Variants in TRMT11 observed in about 807,000 individuals in gnomAD.
TRMT11 encodes tRNA methyltransferase 11, also known as tRNA (guanine(10)-N(2))-methyltransferase TRMT11.
TRMT11 carries 53 observed loss-of-function variants against 62.8 expected under a neutral mutation model. That is an observed-to-expected ratio of 0.84 (90% CI 0.68 to 1.06). The LOEUF (loss-of-function observed/expected upper bound fraction) is 1.06. Among genes scored for constraint, TRMT11 ranks in the 50% least tolerant of loss-of-function variants. TRMT11 has a pLI of 0.00. For missense variants in TRMT11, 556 were observed against 553.4 expected, an observed-to-expected ratio of 1.00 and a Z score of -0.05; for synonymous variants, 188 against 190.3, an observed-to-expected ratio of 0.99 and a Z score of 0.10.
intron 7 of TRMT11, among the ~76,000 whole-genome samples, chr6:126,002,544 G>C (rs1290200976): frequency 6.6e-6 from 1 of 152,168 alleles, no homozygotes; most frequent in Non-Finnish European, 1.5e-5. Flanking sequence ...GGGCAGTAAA[G>C]TCAAATACTG....
At chr6:126,022,090 C>T (rs2035916239) in intron 12 of TRMT11, among the ~76,000 whole-genome samples, 1 of 138,236 alleles carries the variant, frequency 7.2e-6, no homozygotes, top group Non-Finnish European at 1.6e-5. Context: ...GACGGAGTTT[C>T]CCTCTTTCAC....
intron 21 of TRMT11, among the ~76,000 whole-genome samples, chr6:126,129,383 C>T (rs1458737646): frequency 6.6e-6 from 1 of 152,128 alleles, no homozygotes; most frequent in Non-Finnish European, 1.5e-5. Flanking sequence ...CTAATGTTAA[C>T]TTTTTATTTT....
At position 126,201,659 on chromosome 6, in the gene TRMT11, T is replaced by C. The variant is rs138884504; in HGVS notation, n.372-369T>C. 5.9e-3 allele frequency among the ~76,000 whole-genome samples: 892 copies of C among 152,324 alleles called. 8 individuals carry two copies. Among genetic ancestry groups the C allele is most frequent in the African/African-American group, 0.021 (859 of 41,572 alleles). On this transcript the variant is annotated intron_variant and non_coding_transcript_variant, in intron 3 of 3. Coordinates refer to the TRMT11 transcript ENST00000444229. ...TTGACATTGATGGTTTATATCTTGG[T>C]TCTGCTCTTCTTATTCCTTTTTTTC...
chr6:126,239,611 C>CTTTCTCTCTGG, the TRMT11 span, among the ~76,000 whole-genome samples: 1 of 152,194 alleles, frequency 6.6e-6, no homozygotes, highest in Non-Finnish European at 1.5e-5. Context: ...TTGTGGGCAA[C>CTTTCTCTCTGG]CTGACCTTTC....
chr6:126,234,914 C>T, the TRMT11 span, among the ~76,000 whole-genome samples: 1 of 152,178 alleles, frequency 6.6e-6, no homozygotes, highest in Non-Finnish European at 1.5e-5. Context: ...GGCATTAAGA[C>T]AATCCCTTCC....
chr6:126,237,606 G>A, the TRMT11 span, among the ~76,000 whole-genome samples: 1 of 152,068 alleles, frequency 6.6e-6, no homozygotes, highest in Non-Finnish European at 1.5e-5. Context: ...ACCTGAGCCT[G>A]GCAGGTTGAG....
intron 8 of TRMT11, among the ~76,000 whole-genome samples, chr6:126,010,253 C>T (rs143389827): frequency 5.0e-4 from 76 of 152,158 alleles, no homozygotes; most frequent in African/African-American, 1.8e-3. Context: ...GACCTTCATA[C>T]AGCTGCTCTT....
intron 7 of TRMT11, among the ~76,000 whole-genome samples, chr6:126,003,947 T>C (rs1424350936): frequency 2.6e-5 from 4 of 152,082 alleles, no homozygotes; most frequent in African/African-American, 7.2e-5. Context: ...TAGTTTTACA[T>C]TTTTTCTTTT....
At chr6:126,192,745 T>C (rs1016709885) in intron 1 of TRMT11, among the ~76,000 whole-genome samples, 2 of 152,230 alleles carry the variant, frequency 1.3e-5, no homozygotes, top group Non-Finnish European at 2.9e-5. Context: ...GTATCATGTT[T>C]ATTGATTTGA....
At chr6:126,268,950 A>G in the TRMT11 span, among the ~76,000 whole-genome samples, 1 of 148,088 alleles carries the variant, frequency 6.8e-6, no homozygotes, top group Non-Finnish European at 1.5e-5. Flanking sequence ...GATACCAAAC[A>G]TATTAGTCAT....
chr6:125,998,710 G>A, intron 6 of TRMT11, 26 bp downstream of exon 6: 1 of 1,602,250 alleles, frequency 6.2e-7, no homozygotes, highest in Non-Finnish European at 8.5e-7. Context: ...TTCTACCTAT[G>A]TCAGTTTGTT....
At chr6:126,062,625 A>G (rs1473241666) in intron 17 of TRMT11, among the ~76,000 whole-genome samples, 1 of 152,214 alleles carries the variant, frequency 6.6e-6, no homozygotes. Context: ...TGAATAACTT[A>G]TCAATCTATC....
At chr6:126,238,520 T>G in the TRMT11 span, among the ~76,000 whole-genome samples, 1 of 152,242 alleles carries the variant, frequency 6.6e-6, no homozygotes, top group South Asian at 2.1e-4. Flanking sequence ...GTTGAGCGGT[T>G]TTGAGTGAGT....
chr6:125,991,226 A>G (rs1036340285), intron 1 of TRMT11, among the ~76,000 whole-genome samples: 1 of 150,442 alleles, frequency 6.6e-6, no homozygotes, highest in South Asian at 2.1e-4. Flanking sequence ...AGCCCGGGTG[A>G]CAGTGTGAGA....
intron 1 of TRMT11, among the ~76,000 whole-genome samples, chr6:126,191,646 T>C (rs1022678458): frequency 6.6e-6 from 1 of 151,992 alleles, no homozygotes; most frequent in African/African-American, 2.4e-5. Flanking sequence ...GGGTATTTAG[T>C]TCCTTCTTCT....
chr6:126,181,632 G>C (rs1011280373), intron 1 of TRMT11, among the ~76,000 whole-genome samples: 6 of 152,130 alleles, frequency 3.9e-5, no homozygotes, highest in Non-Finnish European at 8.8e-5. Context: ...AAAAGAAAAG[G>C]GCACCATTGT....
At chr6:126,037,072 T>A (rs1158583463) in intron 12 of TRMT11, among the ~76,000 whole-genome samples, 2 of 152,100 alleles carry the variant, frequency 1.3e-5, no homozygotes, top group African/African-American at 4.8e-5. Flanking sequence ...TCAGCTGTCA[T>A]GGCCTTAGTC....
the TRMT11 span, among the ~76,000 whole-genome samples, chr6:126,267,745 A>C: frequency 6.6e-6 from 1 of 152,088 alleles, no homozygotes; most frequent in African/African-American, 2.4e-5. Context: ...ATTGCCTGAG[A>C]TATTTCAAGG....
the TRMT11 span, among the ~76,000 whole-genome samples, chr6:126,220,545 C>T: frequency 0.027 from 4,085 of 152,260 alleles, 165 homozygotes; most frequent in African/African-American, 0.092. Context: ...CAGAGTTTCA[C>T]GCTCTGAAGA....
Sources: allele counts gnomAD v4.1 joint callset (sites outside exome capture counted in the v4.1 genomes callset), GRCh38; gene constraint gnomAD v4.1.1; transcripts MANE v1.5; gene names NCBI Gene and HGNC (gene_info 2026-07-23, HGNC 2026-07-21).